Variants in PLEK2 observed in about 807,000 individuals in gnomAD.
The protein encoded by PLEK2 is pleckstrin-2.
Under a neutral mutation model 43.8 loss-of-function variants are expected in PLEK2, and 29 were observed. The observed-to-expected ratio is 0.66, with a 90% confidence interval of 0.49 to 0.90. The LOEUF is 0.90. PLEK2 is among the 40% of genes least tolerant of loss of function. PLEK2 has a pLI of 0.00. For synonymous variants in PLEK2, 162 were observed against 173.2 expected, an observed-to-expected ratio of 0.94 and a Z score of 0.51; for missense variants, 398 against 448.1, an observed-to-expected ratio of 0.89 and a Z score of 1.01.
At chr14:67,391,635 G>T (rs538200600) in intron 6 of PLEK2, among the ~76,000 whole-genome samples, 6 of 152,290 alleles carry the variant, frequency 3.9e-5, no homozygotes, top group Non-Finnish European at 8.8e-5. Flanking sequence ...CATTCACATG[G>T]TATACAATAT....
intron 1 of PLEK2, among the ~76,000 whole-genome samples, chr14:67,399,718 G>A (rs1039418572): frequency 6.9e-5 from 9 of 130,968 alleles, no homozygotes; most frequent in African/African-American, 3.0e-4. Flanking sequence ...GAGAAGGGTG[G>A]TTTAGGTGGG....
At chr14:67,391,271 A>G (rs3784084) in intron 6 of PLEK2, among the ~76,000 whole-genome samples, 26,573 of 143,750 alleles carry the variant, frequency 0.18, 3,852 homozygotes, top group East Asian at 0.42. Context: ...AGCAGCTGAT[A>G]TGTGTGTGTG....
chr14:67,407,244 C>T (rs1368833328), intron 1 of PLEK2, among the ~76,000 whole-genome samples: 3 of 152,064 alleles, frequency 2.0e-5, no homozygotes, highest in African/African-American at 4.8e-5. Context: ...GCCTCAGCCT[C>T]CCGAGTAGCT....
chr14:67,389,090 T>C (rs1397892398), intron 7 of PLEK2, among the ~76,000 whole-genome samples: 1 of 152,004 alleles, frequency 6.6e-6, no homozygotes, highest in Non-Finnish European at 1.5e-5. Context: ...CGATTGGTGG[T>C]ATCCCTGGAC....
intron 1 of PLEK2, among the ~76,000 whole-genome samples, chr14:67,408,355 A>AAAATAAAATAAAAT: frequency 7.3e-6 from 1 of 136,498 alleles, no homozygotes; most frequent in African/African-American, 2.6e-5. Flanking sequence ...AAAATAAAAT[A>AAAATAAAATAAAAT]AAAAAAGAAA....
chr14:67,387,175 C>CTGTT lies in PLEK2; in HGVS notation c.*150_*153dup, dbSNP rs1315960266. ...GATGGGGAAGGAAATGGCACCACTG[C>CTGTT]TGTTTGTAATCTGAGGAACTCTTGG... On this transcript the variant is annotated 3_prime_UTR_variant, in exon 9 of 9. Transcript: ENST00000216446. The CTGTT allele has an allele frequency of 7.7e-6, 5 of 650,902 alleles. No homozygotes were observed. Among genetic ancestry groups the CTGTT allele is most frequent in the Non-Finnish European group, 1.2e-5 (5 of 402,804 alleles). 40.3% of individuals were successfully genotyped at this position (650,902 alleles called of 1,614,324 possible). A position where few individuals can be genotyped will look rare whatever the true frequency, so the allele number is the denominator to read the frequency against.
chr14:67,402,729 C>A (rs966837353), intron 1 of PLEK2, among the ~76,000 whole-genome samples: 2 of 152,150 alleles, frequency 1.3e-5, no homozygotes, highest in African/African-American at 4.8e-5. Flanking sequence ...ACCTCCAGTT[C>A]CATCCACATT....
intron 1 of PLEK2, among the ~76,000 whole-genome samples, chr14:67,401,933 G>T (rs531022821): frequency 6.6e-6 from 1 of 152,220 alleles, no homozygotes; most frequent in East Asian, 1.9e-4. Flanking sequence ...GAGTTCGAGA[G>T]CAGTCTGGCC....
chr14:67,394,143 C>T (rs1434158397), intron 3 of PLEK2, among the ~76,000 whole-genome samples: 2 of 152,122 alleles, frequency 1.3e-5, no homozygotes, highest in Non-Finnish European at 2.9e-5. Context: ...TCAGACATTT[C>T]TTTTCTTCTC....
chr14:67,406,001 T>C (rs996133584), intron 1 of PLEK2, among the ~76,000 whole-genome samples: 7 of 152,172 alleles, frequency 4.6e-5, no homozygotes, highest in African/African-American at 1.7e-4. Context: ...CTCACACCTG[T>C]AATCCCAGCA....
At position 67,392,683 on chromosome 14, in the gene PLEK2, G is replaced by A; in HGVS notation, c.648C>T (p.Asp216=). The A allele has an allele frequency of 6.2e-7, 1 of 1,614,076 alleles. No individual in the cohort carries two copies. Among genetic ancestry groups the A allele is most frequent in the Non-Finnish European group, 8.5e-7 (1 of 1,179,912 alleles). The change falls in exon 5 of 9, where the codon GAC becomes GAT. Residue 216 remains aspartate, a synonymous_variant. Coordinates refer to ENST00000216446, the MANE Select transcript of PLEK2 (RefSeq NM_016445.3). ...SGDLAEQFLD[D]STALYTFAES... ...TTACAAAAGTGTACAGGGCTGTGGA[G>A]TCATCCAGGAACTGCTCGGCCAGAT...
chr14:67,393,402 G>A (rs10139585), intron 3 of PLEK2, among the ~76,000 whole-genome samples, 161 bp from the exon 4 acceptor site: 22,679 of 152,106 alleles, frequency 0.15, 3,193 homozygotes, highest in East Asian at 0.42. Context: ...AATGGCAAGA[G>A]TGATGCCATC....
At chr14:67,391,271 A>ATG (rs61156733) in intron 6 of PLEK2, among the ~76,000 whole-genome samples, 13,454 of 143,800 alleles carry the variant, frequency 0.094, 633 homozygotes, top group Non-Finnish European at 0.13. Context: ...AGCAGCTGAT[A>ATG]TGTGTGTGTG....
chr14:67,401,819 T>G (rs1211953238), intron 1 of PLEK2, among the ~76,000 whole-genome samples: 1 of 151,996 alleles, frequency 6.6e-6, no homozygotes, highest in Non-Finnish European at 1.5e-5. Flanking sequence ...AACCAACAGA[T>G]ATCGGGCAGA....
At chr14:67,402,982 T>C (rs2086058672) in intron 1 of PLEK2, among the ~76,000 whole-genome samples, 1 of 152,242 alleles carries the variant, frequency 6.6e-6, no homozygotes, top group Non-Finnish European at 1.5e-5. Context: ...TTATATTTTT[T>C]TGAGGAGCCT....
chr14:67,410,438 C>G (rs370319023), intron 1 of PLEK2, among the ~76,000 whole-genome samples: 1 of 152,120 alleles, frequency 6.6e-6, no homozygotes, highest in South Asian at 2.1e-4. Flanking sequence ...TAGGAGCTCC[C>G]CATGTGTAGT....
chr14:67,408,354 T>TAAAAA, intron 1 of PLEK2, among the ~76,000 whole-genome samples: 1 of 134,778 alleles, frequency 7.4e-6, no homozygotes, highest in Admixed American at 7.3e-5. Flanking sequence ...TAAAATAAAA[T>TAAAAA]AAAAAAAGAA....
intron 1 of PLEK2, 168 bp from the exon 2 acceptor site, chr14:67,397,994 C>T (rs924012590): frequency 4.3e-5 from 20 of 465,792 alleles, no homozygotes; most frequent in African/African-American, 3.2e-4. Flanking sequence ...TAGCAAAGAC[C>T]TTTGGCACTG....
At chr14:67,408,689 A>C (rs1403607850) in intron 1 of PLEK2, among the ~76,000 whole-genome samples, 1 of 152,202 alleles carries the variant, frequency 6.6e-6, no homozygotes, top group African/African-American at 2.4e-5. Flanking sequence ...GAAGCTAGGA[A>C]GGATCCTCCT....
Sources: gnomAD v4.1 joint callset for allele counts (sites outside exome capture counted in the v4.1 genomes callset) on GRCh38, gnomAD v4.1.1 for gene constraint, MANE v1.5 for transcripts, NCBI Gene and HGNC (gene_info 2026-07-23, HGNC 2026-07-21) for gene names.